Variants in TMCC1 observed in about 807,000 individuals in gnomAD.
TMCC1 encodes transmembrane and coiled-coil domains protein 1.
In TMCC1, 15 loss-of-function variants were observed where a neutral mutation model predicts 52.4. That is an observed-to-expected ratio of 0.29 (90% CI 0.19 to 0.44). The LOEUF (loss-of-function observed/expected upper bound fraction) is 0.44, where lower values mean the gene tolerates loss of function less well. Ranked by LOEUF, TMCC1 falls within the 20% of genes least tolerant of loss-of-function variation. The pLI, the probability that TMCC1 is intolerant of heterozygous loss-of-function variation, is 1.00. For synonymous variants in TMCC1, 279 were observed against 301.9 expected (o/e 0.92, Z 0.79); for missense variants, 503 against 806.0 (o/e 0.62, Z 4.55).
chr3:129,795,056 A>G (rs1449166392), intron 4 of TMCC1, among the ~76,000 whole-genome samples: 1 of 152,140 alleles, frequency 6.6e-6, no homozygotes, highest in African/African-American at 2.4e-5. Flanking sequence ...TCTTATTCAC[A>G]GGGAGGGGTC....
intron 4 of TMCC1, among the ~76,000 whole-genome samples, chr3:129,745,133 G>T (rs867219453): frequency 6.6e-6 from 1 of 152,148 alleles, no homozygotes. Context: ...AGATTTCAAG[G>T]TATCAGCTAC....
At position 129,792,062 on chromosome 3, in the gene TMCC1, G is replaced by C. The variant is rs151034341; in HGVS notation, c.576+35741C>G. 1.0e-3 allele frequency among the ~76,000 whole-genome samples: 159 copies of C among 151,944 alleles called. 3 individuals are homozygous for C. In the East Asian group the frequency reaches 0.022, roughly 21 times the overall value. On this transcript the variant is annotated intron_variant, in intron 4 of 6. Coordinates refer to ENST00000393238, the MANE Select transcript of TMCC1 (RefSeq NM_001017395.5). ...CAGTACTTTCTTTTTGTTAAAACAG[G>C]AAATTGTTTTTAAAACTCAGATCTT...
At position 129,759,745 on chromosome 3, in the gene TMCC1, G is replaced by A. The variant is rs1329855241; in HGVS notation, c.576+68058C>T. On this transcript the variant is annotated intron_variant, in intron 4 of 6. Transcript: ENST00000393238. Reference sequence around the variant, plus strand: ...TTTTTTTTTTTTTTTTTTTTGAGACGGAGTGTCGTTCTGTCACCCAGGCTG... The same window carrying A: ...TTTTTTTTTTTTTTTTTTTTGAGACAGAGTGTCGTTCTGTCACCCAGGCTG... Among the ~76,000 whole-genome samples the A allele has an allele frequency of 3.7e-4, 45 of 120,494 alleles. 1 individual carries two copies. Among genetic ancestry groups the A allele is most frequent in the African/African-American group, 1.3e-3 (38 of 28,836 alleles). 79.0% of individuals were successfully genotyped at this position (120,494 alleles called of 152,430 possible). A position where few individuals can be genotyped will look rare whatever the true frequency, so the allele number is the denominator to read the frequency against.
chr3:129,654,797 T>C (rs2086566815), intron 6 of TMCC1, among the ~76,000 whole-genome samples, 171 bp downstream of exon 6: 1 of 152,230 alleles, frequency 6.6e-6, no homozygotes. Flanking sequence ...CAAAATGGTA[T>C]AAACTTTTGA....
At chr3:129,706,196 CTT>C (rs915464498) in intron 4 of TMCC1, among the ~76,000 whole-genome samples, 1 of 151,494 alleles carries the variant, frequency 6.6e-6, no homozygotes, top group Non-Finnish European at 1.5e-5. Context: ...GGCCAAAACA[CTT>C]TTTTATTTTT....
chr3:129,882,103 G>A (rs948529086), intron 1 of TMCC1, among the ~76,000 whole-genome samples: 2 of 152,138 alleles, frequency 1.3e-5, no homozygotes, highest in Admixed American at 1.3e-4. Context: ...AAAGGAGCCA[G>A]AGGAATATGG....
chr3:129,676,164 A>G (rs560043467), intron 4 of TMCC1, among the ~76,000 whole-genome samples: 79 of 152,242 alleles, frequency 5.2e-4, no homozygotes, highest in Non-Finnish European at 8.7e-4. Context: ...CAGCTACTCA[A>G]CAGGGTGTCT....
intron 2 of TMCC1, among the ~76,000 whole-genome samples, chr3:129,876,897 C>T (rs1245741029): frequency 1.3e-5 from 2 of 152,118 alleles, no homozygotes; most frequent in Non-Finnish European, 2.9e-5. Flanking sequence ...GCGGAGCTTG[C>T]AGTGAGCTGA....
At chr3:129,714,823 A>G (rs975134335) in intron 4 of TMCC1, among the ~76,000 whole-genome samples, 15 of 152,200 alleles carry the variant, frequency 9.9e-5, no homozygotes, top group African/African-American at 3.6e-4. Context: ...CCATCTATCA[A>G]TCTAAACAGT....
rs1553864006 is a variant in TMCC1 at position 129,771,797 on chromosome 3, A to AAGAAG, written c.576+56005_576+56006insCTTCT. On this transcript the variant is annotated intron_variant, in intron 4 of 6. Coordinates refer to ENST00000393238, the MANE Select transcript of TMCC1 (RefSeq NM_001017395.5). ...CTCAAAAAAAAAAAAAAAAAAAAAA[A>AAGAAG]AAGAAGAAGAAGAAAAAACAATTGA... Among the ~76,000 whole-genome samples, 711 of 87,124 alleles carry AAGAAG rather than the reference A, an allele frequency of 8.2e-3. 4 individuals carry two copies. Among genetic ancestry groups the AAGAAG allele is most frequent in the Non-Finnish European group, 0.014 (606 of 42,322 alleles). 57.2% of individuals were successfully genotyped at this position (87,124 alleles called of 152,430 possible).
intron 2 of TMCC1, among the ~76,000 whole-genome samples, chr3:129,863,652 A>G (rs2060495071): frequency 6.6e-6 from 1 of 152,186 alleles, no homozygotes; most frequent in Non-Finnish European, 1.5e-5. Context: ...ACCTGAGGTC[A>G]GGAGTTCAAG....
chr3:129,866,983 A>AACATTTATAAT (rs2060678805), intron 2 of TMCC1: 1 of 152,212 alleles, frequency 6.6e-6, no homozygotes, highest in Admixed American at 6.5e-5. Context: ...TTCTCACTAT[A>AACATTTATAAT]GGACAGGAAA....
intron 4 of TMCC1, among the ~76,000 whole-genome samples, chr3:129,795,070 C>A (rs1387106107): frequency 6.6e-6 from 1 of 152,156 alleles, no homozygotes; most frequent in Non-Finnish European, 1.5e-5. Flanking sequence ...AGGGGTCCTG[C>A]CTCAGGAAGG....
intron 4 of TMCC1, among the ~76,000 whole-genome samples, chr3:129,736,635 T>G (rs2050992952): frequency 6.6e-6 from 1 of 151,698 alleles, no homozygotes; most frequent in African/African-American, 2.4e-5. Context: ...GATTCTCCTG[T>G]CTCAGCCTCC....
intron 2 of TMCC1, chr3:129,868,880 C>G (rs1356449136): frequency 6.6e-6 from 1 of 152,156 alleles, no homozygotes; most frequent in African/African-American, 2.4e-5. Context: ...ATTCTGAAAC[C>G]CAGCCCTCTG....
intron 4 of TMCC1, among the ~76,000 whole-genome samples, chr3:129,801,040 C>T (rs1342912927): frequency 1.3e-5 from 2 of 150,866 alleles, no homozygotes; most frequent in Non-Finnish European, 2.9e-5. Context: ...TCTCCTGCCT[C>T]AGCCTCCGGA....
At chr3:129,795,867 T>C (rs2056790111) in intron 4 of TMCC1, among the ~76,000 whole-genome samples, 1 of 152,204 alleles carries the variant, frequency 6.6e-6, no homozygotes. Flanking sequence ...AGATCGACTG[T>C]TGCAGTATGG....
At chr3:129,780,994 T>A (rs1267517944) in intron 4 of TMCC1, among the ~76,000 whole-genome samples, 1 of 152,164 alleles carries the variant, frequency 6.6e-6, no homozygotes, top group African/African-American at 2.4e-5. Context: ...ATGAGGCTAG[T>A]GACTATAACA....
chr3:129,769,600 T>C (rs2054391198), intron 4 of TMCC1, among the ~76,000 whole-genome samples: 1 of 151,562 alleles, frequency 6.6e-6, no homozygotes, highest in African/African-American at 2.4e-5. Context: ...GTGTATTTTA[T>C]ATGTGGCCCA....
Sources: gnomAD v4.1 joint callset for allele counts (sites outside exome capture counted in the v4.1 genomes callset) on GRCh38, gnomAD v4.1.1 for gene constraint, MANE v1.5 for transcripts, NCBI Gene and HGNC (gene_info 2026-07-23, HGNC 2026-07-21) for gene names.